Variants in SLC4A10 observed in about 807,000 individuals in gnomAD.
The protein encoded by SLC4A10 is sodium-driven chloride bicarbonate exchanger.
SLC4A10 carries 42 observed loss-of-function variants against 137.7 expected under a neutral mutation model. The ratio of observed to expected loss-of-function variants is 0.30; its 90% CI spans 0.24 to 0.39. SLC4A10 has a LOEUF of 0.39. SLC4A10 is among the 10% of genes least tolerant of loss of function. The pLI, the probability that SLC4A10 is intolerant of heterozygous loss-of-function variation, is 1.00. For missense variants in SLC4A10, 925 were observed against 1,355.0 expected, an observed-to-expected ratio of 0.68 and a Z score of 4.98; for synonymous variants, 474 against 464.1, an observed-to-expected ratio of 1.02 and a Z score of -0.27.
At chr2:161,633,116 T>A (rs1262060645) in intron 1 of SLC4A10, among the ~76,000 whole-genome samples, 1 of 151,662 alleles carries the variant, frequency 6.6e-6, no homozygotes, top group Non-Finnish European at 1.5e-5. Flanking sequence ...TGGTGTTACC[T>A]CTGGATAAAC....
chr2:161,851,494 T>C (rs1559387659), intron 4 of SLC4A10, among the ~76,000 whole-genome samples: 1 of 152,210 alleles, frequency 6.6e-6, no homozygotes. Flanking sequence ...TGAATGTTTT[T>C]GGTTTAAAGT....
chr2:161,820,141 A>C (rs923962577), intron 3 of SLC4A10, among the ~76,000 whole-genome samples: 3 of 152,214 alleles, frequency 2.0e-5, no homozygotes, highest in African/African-American at 7.2e-5. Flanking sequence ...CTGGAATTAT[A>C]ATAGGATTTT....
intron 1 of SLC4A10, among the ~76,000 whole-genome samples, chr2:161,648,384 C>T (rs1403089656): frequency 2.0e-5 from 3 of 152,116 alleles, no homozygotes; most frequent in Admixed American, 6.5e-5. Flanking sequence ...GGACTTGGCT[C>T]CGCTGACTTC....
chr2:161,980,573 T>C (rs911346853), intron 26 of SLC4A10, among the ~76,000 whole-genome samples: 1 of 152,024 alleles, frequency 6.6e-6, no homozygotes, highest in African/African-American at 2.4e-5. Flanking sequence ...CCCTTCAACC[T>C]GCGACGTGGA....
At chr2:161,864,137 G>C (rs2060596721) in intron 6 of SLC4A10, among the ~76,000 whole-genome samples, 1 of 152,052 alleles carries the variant, frequency 6.6e-6, no homozygotes, top group Non-Finnish European at 1.5e-5. Flanking sequence ...GGGTGGCGGA[G>C]ATTGCAGTGA....
chr2:161,629,029 G>C (rs1468273326), intron 1 of SLC4A10, among the ~76,000 whole-genome samples: 1 of 151,918 alleles, frequency 6.6e-6, no homozygotes, highest in Non-Finnish European at 1.5e-5. Context: ...TGCTTCAGAA[G>C]TCTAAACTGG....
intron 24 of SLC4A10, among the ~76,000 whole-genome samples, chr2:161,974,783 A>G (rs777990873): frequency 6.6e-6 from 1 of 152,184 alleles, no homozygotes; most frequent in African/African-American, 2.4e-5. Context: ...ATATTTATGC[A>G]ATTCTCCAAA....
intron 10 of SLC4A10, among the ~76,000 whole-genome samples, chr2:161,894,163 C>T (rs542051343): frequency 6.6e-6 from 1 of 152,124 alleles, no homozygotes; most frequent in African/African-American, 2.4e-5. Context: ...GCAGGGAATC[C>T]TGGAACCAAT....
intron 1 of SLC4A10, among the ~76,000 whole-genome samples, chr2:161,630,747 G>T (rs1205361107): frequency 6.6e-6 from 1 of 151,742 alleles, no homozygotes; most frequent in Non-Finnish European, 1.5e-5. Flanking sequence ...TCAGGCTCAT[G>T]ATAGGTACAA....
At chr2:161,779,588 C>T (rs1414307808) in intron 2 of SLC4A10, among the ~76,000 whole-genome samples, 1 of 151,766 alleles carries the variant, frequency 6.6e-6, no homozygotes, top group Non-Finnish European at 1.5e-5. Context: ...AATAAGTGCA[C>T]ATCTCATAAT....
intron 1 of SLC4A10, among the ~76,000 whole-genome samples, chr2:161,698,309 G>C (rs1454593408): frequency 6.6e-6 from 1 of 152,102 alleles, no homozygotes; most frequent in Non-Finnish European, 1.5e-5. Flanking sequence ...TCTTTCTCTT[G>C]TCTGATTGCC....
intron 1 of SLC4A10, among the ~76,000 whole-genome samples, chr2:161,747,035 A>G (rs1297411637): frequency 6.6e-6 from 1 of 151,726 alleles, no homozygotes; most frequent in Non-Finnish European, 1.5e-5. Flanking sequence ...GGGAGGAGTG[A>G]CACAAGCATT....
chr2:161,910,701 C>T (rs1292354058), intron 15 of SLC4A10, among the ~76,000 whole-genome samples: 2 of 152,010 alleles, frequency 1.3e-5, no homozygotes, highest in East Asian at 1.9e-4. Context: ...GGAGTGTTCT[C>T]ACCAGCAGGT....
intron 1 of SLC4A10, among the ~76,000 whole-genome samples, chr2:161,637,096 TA>T (rs2034543785): frequency 8.0e-6 from 1 of 125,108 alleles, no homozygotes; most frequent in East Asian, 2.6e-4. Context: ...TACATATACG[TA>T]TATACGTATT....
chr2:161,977,643 T>C (rs886906745), intron 25 of SLC4A10, 79 bp from the exon 26 acceptor site: 14 of 1,227,004 alleles, frequency 1.1e-5, no homozygotes, highest in Non-Finnish European at 1.6e-5. Context: ...GTGTTTACTA[T>C]AATTATAAAG....
chr2:161,700,832 G>T (rs1450966326), intron 1 of SLC4A10, among the ~76,000 whole-genome samples: 1 of 152,048 alleles, frequency 6.6e-6, no homozygotes, highest in East Asian at 1.9e-4. Flanking sequence ...TACGCGCTCT[G>T]TAGTGTCTAC....
chr2:161,931,225 T>C (rs1351247760), intron 15 of SLC4A10: 2 of 152,286 alleles, frequency 1.3e-5, no homozygotes, highest in African/African-American at 4.8e-5. Flanking sequence ...GCCACAGCCA[T>C]TGGCTTCAGC....
At chr2:161,797,781 T>C (rs1436751169) in intron 2 of SLC4A10, among the ~76,000 whole-genome samples, 2 of 152,128 alleles carry the variant, frequency 1.3e-5, no homozygotes, top group African/African-American at 4.8e-5. Flanking sequence ...CAAGACGGTG[T>C]TATAAACTTG....
chr2:161,781,007 T>G (rs1340702019), intron 2 of SLC4A10, among the ~76,000 whole-genome samples: 1 of 151,816 alleles, frequency 6.6e-6, no homozygotes, highest in Non-Finnish European at 1.5e-5. Context: ...CCCCCAACCT[T>G]AAAAAACATA....
Sources: allele counts gnomAD v4.1 joint callset (sites outside exome capture counted in the v4.1 genomes callset), GRCh38; gene constraint gnomAD v4.1.1; transcripts MANE v1.5; gene names NCBI Gene and HGNC (gene_info 2026-07-23, HGNC 2026-07-21).